Variants in PRH1 observed in about 807,000 individuals in gnomAD.
PRH1 encodes the protein proline rich protein HaeIII subfamily 1.
In PRH1, 7 loss-of-function variants were observed where a neutral mutation model predicts 7.9. The observed-to-expected ratio is 0.89, with a 90% CI of 0.50 to 1.67. PRH1 has a LOEUF of 1.67. PRH1 is among the 40% of genes most tolerant of loss of function. The pLI is 0.00. For missense variants in PRH1, 109 were observed against 223.6 expected, an observed-to-expected ratio of 0.49 and a Z score of 3.27; for synonymous variants, 45 against 80.8, an observed-to-expected ratio of 0.56 and a Z score of 2.38.
intron 2 of PRH1, among the ~76,000 whole-genome samples, chr12:10,963,563 G>A (rs1002133490): frequency 5.9e-5 from 9 of 152,080 alleles, no homozygotes; most frequent in African/African-American, 1.9e-4. Flanking sequence ...GGAAAGAAAC[G>A]GAAATATTTG....
chr12:11,106,166 T>C (rs1361363111), intron 1 of PRH1, among the ~76,000 whole-genome samples: 1 of 48,210 alleles, frequency 2.1e-5, no homozygotes, highest in African/African-American at 5.9e-5. Context: ...GGTCTCGATC[T>C]CCTGACCTCG....
chr12:11,058,683 G>GTTTCACATTTC (rs1221253471), intron 1 of PRH1, among the ~76,000 whole-genome samples: 3 of 43,518 alleles, frequency 6.9e-5, no homozygotes, highest in Admixed American at 3.1e-4. Flanking sequence ...ATTCAAAGCT[G>GTTTCACATTTC]TTAGAGGCAT....
At chr12:10,943,997 G>C (rs1183610758) in intron 2 of PRH1, among the ~76,000 whole-genome samples, 1 of 152,118 alleles carries the variant, frequency 6.6e-6, no homozygotes, top group African/African-American at 2.4e-5. Context: ...TTGAAGTTGG[G>C]TAATGTGATT....
chr12:11,051,284 A>G (rs1419930120), upstream of PRH1, among the ~76,000 whole-genome samples: 1 of 152,218 alleles, frequency 6.6e-6, no homozygotes, highest in Non-Finnish European at 1.5e-5. Context: ...ACATCTTGTC[A>G]AATTTTCAGT....
chr12:11,036,568 C>A (rs191594996), intron 1 of PRH1, among the ~76,000 whole-genome samples: 1 of 152,138 alleles, frequency 6.6e-6, no homozygotes, highest in Non-Finnish European at 1.5e-5. Flanking sequence ...TTTATTTACA[C>A]GAAAATCTGA....
In PRH1 at chr12:11,090,682, A is replaced by G. The variant is rs1220570019; in HGVS notation, n.124-43494T>C. Among the ~76,000 whole-genome samples the G allele has an allele frequency of 7.6e-5, 9 of 117,850 alleles. 3 individuals are homozygous for G. Among genetic ancestry groups the G allele is most frequent in the Non-Finnish European group, 1.4e-4 (7 of 49,550 alleles). The allele number at this position is 117,850 out of a possible 152,430, so 77.3% of individuals were successfully genotyped here. ...TGCATATGCTTCTCACTCAAATTCT[A>G]TTGTGTGCATTGTTTTCTAACAATA... is the stretch of plus-strand genomic sequence containing the variant. On this transcript the variant is annotated intron_variant and non_coding_transcript_variant, in intron 1 of 4. Transcript: ENST00000541977.
intron 1 of PRH1, among the ~76,000 whole-genome samples, chr12:11,026,775 G>A (rs1266652534): frequency 2.0e-5 from 3 of 152,140 alleles, no homozygotes; most frequent in African/African-American, 7.2e-5. Context: ...TCTTCACTAA[G>A]CAGAGCAGAG....
chr12:11,093,440 A>G lies in PRH1; in HGVS notation n.124-46252T>C, dbSNP rs1219161593. ...TGAATGGAACAAATTATTTTCTTGT[A>G]ATTTCCAAAATAAAAAATGAGTTTC... On this transcript the variant is annotated intron_variant and non_coding_transcript_variant, in intron 1 of 4. Coordinates refer to the PRH1 transcript ENST00000541977. Among the ~76,000 whole-genome samples, 2 of 115,920 alleles carry G rather than the reference A, an allele frequency of 1.7e-5. 1 individual carries two copies. The highest frequency in any genetic ancestry group is 4.1e-5 in the Non-Finnish European group (2 of 49,048). 76.0% of individuals were successfully genotyped at this position (115,920 alleles called of 152,430 possible). A position where few individuals can be genotyped will look rare whatever the true frequency, so the allele number is the denominator to read the frequency against.
intron 2 of PRH1, among the ~76,000 whole-genome samples, chr12:10,890,819 G>A: frequency 6.6e-6 from 1 of 151,092 alleles, no homozygotes; most frequent in East Asian, 2.0e-4. Flanking sequence ...GAGGGGATGG[G>A]AGGGGAGGGG....
At chr12:10,923,888 C>T (rs1950086222) in intron 2 of PRH1, among the ~76,000 whole-genome samples, 1 of 150,720 alleles carries the variant, frequency 6.6e-6, no homozygotes, top group South Asian at 2.1e-4. Flanking sequence ...ATTGAACTTG[C>T]TTTTACTGTC....
chr12:11,153,721 C>T (rs1055231582), intron 1 of PRH1, among the ~76,000 whole-genome samples: 2 of 151,954 alleles, frequency 1.3e-5, no homozygotes, highest in African/African-American at 2.4e-5. Context: ...CCCAGCAGGC[C>T]CCAAATGACA....
At chr12:11,144,650 G>C (rs908512947) in intron 1 of PRH1, among the ~76,000 whole-genome samples, 1 of 152,196 alleles carries the variant, frequency 6.6e-6, no homozygotes, top group Non-Finnish European at 1.5e-5. Flanking sequence ...AGTTCAGCTA[G>C]AGATTTCTTC....
At chr12:11,078,321 C>T (rs1469396410) in intron 1 of PRH1, 58 of 278,406 alleles carry the variant, frequency 2.1e-4, no homozygotes, top group Middle Eastern at 1.7e-3. Context: ...ACATTAACTT[C>T]GATAAACACT....
At chr12:10,911,352 G>T (rs1312177401) in intron 2 of PRH1, among the ~76,000 whole-genome samples, 1 of 152,146 alleles carries the variant, frequency 6.6e-6, no homozygotes, top group Non-Finnish European at 1.5e-5. Flanking sequence ...GTTCTGAGCT[G>T]CATTTTCCTG....
intron 2 of PRH1, among the ~76,000 whole-genome samples, chr12:10,890,384 GGTGTGTGTGTGTGT>G (rs112808907): frequency 6.6e-6 from 1 of 150,692 alleles, no homozygotes; most frequent in Non-Finnish European, 1.5e-5. Flanking sequence ...TCCTAACTTT[GGTGTGTGTGTGTGT>G]GTGTTTGTGT....
chr12:11,049,478 A>G (rs1289208565), upstream of PRH1, among the ~76,000 whole-genome samples: 1 of 112,848 alleles, frequency 8.9e-6, no homozygotes, highest in East Asian at 2.9e-4. Context: ...CTTATTCTCA[A>G]AACAGCTCAA....
Position 11,134,095 on chromosome 12 carries a change from A to G in PRH1, n.40-12915T>C, listed in dbSNP as rs368691144. 3.1e-6 allele frequency: 5 copies of G among 1,614,062 alleles called. No homozygotes were observed. In the African/African-American group the frequency reaches 6.7e-5, roughly 22 times the overall value. Reference sequence around the variant, plus strand: ...GCAAACCAACTCTGGAGACCGCCAGAGCAGTGAGAATTTGGTCAACAAAGG... The same window carrying G: ...GCAAACCAACTCTGGAGACCGCCAGGGCAGTGAGAATTTGGTCAACAAAGG... On this transcript the variant is annotated intron_variant and non_coding_transcript_variant, in intron 1 of 1. Transcript: ENST00000541175.
At chr12:10,932,727 G>T (rs1950231890) in intron 2 of PRH1, among the ~76,000 whole-genome samples, 1 of 152,010 alleles carries the variant, frequency 6.6e-6, no homozygotes, top group East Asian at 1.9e-4. Context: ...TTTTATCACT[G>T]ATCAGTTCTG....
intron 1 of PRH1, among the ~76,000 whole-genome samples, chr12:10,985,191 G>A (rs1939547803): frequency 1.3e-5 from 2 of 151,956 alleles, no homozygotes; most frequent in South Asian, 4.1e-4. Context: ...GACAACATAA[G>A]TCATCACGGT....
Sources: gnomAD v4.1 joint callset for allele counts (sites outside exome capture counted in the v4.1 genomes callset) on GRCh38, gnomAD v4.1.1 for gene constraint, MANE v1.5 for transcripts, NCBI Gene and HGNC (gene_info 2026-07-23, HGNC 2026-07-21) for gene names.